INTS9: variants seen among roughly 807,000 people sequenced by gnomAD.
INTS9 encodes protein related to CPSF subunits of 74 kDa.
Under a neutral mutation model 79.7 loss-of-function variants are expected in INTS9, and 55 were observed. The observed-to-expected ratio is 0.69, with a 90% CI of 0.56 to 0.86. The LOEUF is 0.86. Among genes scored for constraint, INTS9 ranks in the 40% least tolerant of loss-of-function variants. The probability of loss-of-function intolerance (pLI) is 0.00; values close to 1 mark genes in which losing one functional copy is unlikely to be tolerated. For synonymous variants in INTS9, 319 were observed against 325.2 expected, an observed-to-expected ratio of 0.98 and a Z score of 0.20; for missense variants, 721 against 831.5, an observed-to-expected ratio of 0.87 and a Z score of 1.64.
intron 12 of INTS9, among the ~76,000 whole-genome samples, chr8:28,779,022 C>T (rs1387844611): frequency 6.6e-6 from 1 of 152,194 alleles, no homozygotes; most frequent in East Asian, 1.9e-4. Flanking sequence ...CACAGGAAAT[C>T]ACACAGTCCT....
intron 1 of INTS9, among the ~76,000 whole-genome samples, chr8:28,866,967 T>A (rs1334083445): frequency 1.4e-5 from 2 of 144,348 alleles, no homozygotes; most frequent in African/African-American, 5.7e-5. Flanking sequence ...AGAGCGAAAC[T>A]GTCAAAAAAG....
intron 11 of INTS9, among the ~76,000 whole-genome samples, chr8:28,781,574 T>C (rs1274237645): frequency 6.6e-6 from 1 of 152,148 alleles, no homozygotes; most frequent in Admixed American, 6.5e-5. Context: ...AGGATGAAAC[T>C]GATGCATCCA....
At chr8:28,874,986 A>G (rs1174353002) in intron 1 of INTS9, among the ~76,000 whole-genome samples, 1 of 152,208 alleles carries the variant, frequency 6.6e-6, no homozygotes, top group Non-Finnish European at 1.5e-5. Flanking sequence ...CACATCTTAC[A>G]TGGATGTCAG....
At chr8:28,829,052 A>G (rs1806322790) in intron 6 of INTS9, among the ~76,000 whole-genome samples, 2 of 152,232 alleles carry the variant, frequency 1.3e-5, no homozygotes, top group Non-Finnish European at 2.9e-5. Context: ...AAGTGCCATA[A>G]AAATTCAGCC....
At chr8:28,837,498 C>T (rs1806871872) in intron 5 of INTS9, 139 bp downstream of exon 5, 2 of 812,176 alleles carry the variant, frequency 2.5e-6, no homozygotes, top group Admixed American at 3.0e-5. Flanking sequence ...TCTAGAGAGT[C>T]GCTTACTCCT....
intron 4 of INTS9, among the ~76,000 whole-genome samples, chr8:28,839,670 GA>G (rs1441647172): frequency 6.6e-6 from 1 of 152,058 alleles, no homozygotes; most frequent in Non-Finnish European, 1.5e-5. Context: ...TGACAAACCT[GA>G]AAAAAATAAG....
At chr8:28,809,932 G>C (rs1805013602) in intron 8 of INTS9, among the ~76,000 whole-genome samples, 1 of 152,166 alleles carries the variant, frequency 6.6e-6, no homozygotes, top group African/African-American at 2.4e-5. Context: ...TTCAACACTA[G>C]AGCACAGCAT....
At chr8:28,816,111 A>G (rs946423111) in intron 6 of INTS9, among the ~76,000 whole-genome samples, 4 of 152,054 alleles carry the variant, frequency 2.6e-5, no homozygotes, top group African/African-American at 7.2e-5. Context: ...CAAGGACTAT[A>G]TATCTAGCAA....
chr8:28,872,176 G>A (rs1330621220), intron 1 of INTS9, among the ~76,000 whole-genome samples: 3 of 152,158 alleles, frequency 2.0e-5, no homozygotes, highest in Non-Finnish European at 4.4e-5. Flanking sequence ...AGTTTAAAAT[G>A]TGCATGTATA....
At chr8:28,856,832 T>C (rs188693158) in intron 2 of INTS9, among the ~76,000 whole-genome samples, 7 of 152,312 alleles carry the variant, frequency 4.6e-5, no homozygotes, top group Non-Finnish European at 8.8e-5. Context: ...GTAGTGAGCA[T>C]AGTAGCCAAG....
Position 28,859,468 on chromosome 8 carries a change from G to A in INTS9, c.105C>T (p.Thr35=), listed in dbSNP as rs1298973430. The A allele has an allele frequency of 2.5e-6, 4 of 1,613,998 alleles. No individual in the cohort carries two copies. Among genetic ancestry groups the A allele is most frequent in the Admixed American group, 3.3e-5 (2 of 60,006 alleles). The change falls in exon 2 of 17, where the codon ACC becomes ACT. Residue 35 remains threonine, a synonymous_variant. Coordinates refer to ENST00000521022, the MANE Select transcript of INTS9 (RefSeq NM_018250.4). ...CAAGTGGCAAAGGAAGGAAATTGAG[G>A]GTAGAAGTCATGTCCAGTCCGCAGT... ...MLDCGLDMTS[T]LNFLPLPLVQ...
chr8:28,804,113 G>A (rs1250966534), intron 8 of INTS9, among the ~76,000 whole-genome samples: 4 of 151,900 alleles, frequency 2.6e-5, no homozygotes. Context: ...TTGTAGAGAC[G>A]GGGTCCCACT....
intron 11 of INTS9, 25 bp downstream of exon 11, chr8:28,787,804 T>C: frequency 6.4e-7 from 1 of 1,560,810 alleles, no homozygotes; most frequent in Non-Finnish European, 8.8e-7. Context: ...TTCCTTCCCA[T>C]GTCCCAGTGA....
Position 28,769,937 on chromosome 8 carries a change from CA to C in INTS9, c.1751del (p.Leu584CysfsTer2). On this transcript the variant is annotated frameshift_variant, in exon 16 of 17. Transcript: ENST00000521022. LOFTEE classifies it high-confidence loss of function. ...GCTCCACAGGGATGGAACCGCTCAA[CA>C]AAGGCTTCAGGACTTTGCAGTCTGG... ...DVPDCKVLKP[L>X]LSGSIPVEQF... The C allele has an allele frequency of 6.2e-7, 1 of 1,614,248 alleles. No individual in the cohort carries two copies. The highest frequency in any genetic ancestry group is 1.3e-5 in the African/African-American group (1 of 75,080).
intron 5 of INTS9, 34 bp from the exon 6 acceptor site, chr8:28,835,412 T>C: frequency 6.5e-7 from 1 of 1,545,026 alleles, no homozygotes; most frequent in East Asian, 2.3e-5. Flanking sequence ...GGAACACCCA[T>C]TAAAAAATTA....
chr8:28,871,579 A>AT (rs1448495996), intron 1 of INTS9, among the ~76,000 whole-genome samples: 4 of 151,890 alleles, frequency 2.6e-5, no homozygotes, highest in African/African-American at 9.7e-5. Flanking sequence ...AAATTTTTGT[A>AT]TTTTTTTGTG....
intron 1 of INTS9, among the ~76,000 whole-genome samples, chr8:28,864,985 C>CAAAA (rs767728666): frequency 3.1e-5 from 2 of 65,206 alleles, no homozygotes; most frequent in Non-Finnish European, 6.9e-5. Flanking sequence ...GACACCGTCT[C>CAAAA]AAAAAAAAAA....
chr8:28,859,911 A>G (rs1031717813), intron 1 of INTS9, among the ~76,000 whole-genome samples: 8 of 152,196 alleles, frequency 5.3e-5, no homozygotes, highest in Admixed American at 5.2e-4. Context: ...GTATGTAAGT[A>G]CTGTCTAAAG....
intron 4 of INTS9, among the ~76,000 whole-genome samples, chr8:28,841,703 G>A (rs984032448): frequency 6.6e-6 from 1 of 152,094 alleles, no homozygotes; most frequent in Admixed American, 6.5e-5. Context: ...AAGCCTTCCT[G>A]AATAACATAT....
Sources: allele counts gnomAD v4.1 joint callset (sites outside exome capture counted in the v4.1 genomes callset), GRCh38; gene constraint gnomAD v4.1.1; transcripts MANE v1.5; gene names NCBI Gene and HGNC (gene_info 2026-07-23, HGNC 2026-07-21).